ERI1: variants seen among roughly 807,000 people sequenced by gnomAD.
The protein encoded by ERI1 is exoribonuclease 1.
Under a neutral mutation model 39.7 loss-of-function variants are expected in ERI1, and 39 were observed. The observed-to-expected ratio is 0.98, with a 90% CI of 0.76 to 1.28. The LOEUF (loss-of-function observed/expected upper bound fraction) is 1.28. Among genes scored for constraint, ERI1 ranks in the 50% most tolerant of loss-of-function variants. The probability of loss-of-function intolerance (pLI) is 0.00; values close to 1 mark genes in which losing one functional copy is unlikely to be tolerated. For missense variants in ERI1, 581 were observed against 416.9 expected (o/e 1.39, Z -3.43); for synonymous variants, 204 against 149.6 (o/e 1.36, Z -2.65).
intron 6 of ERI1, among the ~76,000 whole-genome samples, chr8:9,025,657 C>CT (rs1407652334): frequency 2.0e-5 from 3 of 151,294 alleles, no homozygotes; most frequent in African/African-American, 4.9e-5. Context: ...GTTAATAACT[C>CT]TTTTTTGGGC....
In ERI1 at chr8:9,031,062, G is replaced by T. The variant is rs941563717; in HGVS notation, c.*1028G>T. 1.3e-5 allele frequency: 2 copies of T among 152,118 alleles called. No homozygotes were observed. The highest frequency in any genetic ancestry group is 4.8e-5 in the African/African-American group (2 of 41,428). 9.4% of individuals were successfully genotyped at this position (152,118 alleles called of 1,614,324 possible). The stretch of plus-strand genomic sequence containing the variant: ...AAAATGTGCATTTCGACTTGATAAG[G>T]TAAAACTCTTATCTAGAGGCTAAAC... On this transcript the variant is annotated 3_prime_UTR_variant, in exon 7 of 7. Coordinates refer to ENST00000250263, the MANE Select transcript of ERI1 (RefSeq NM_153332.4).
chr8:9,036,343 A>G (rs1427806648), downstream of ERI1, among the ~76,000 whole-genome samples: 1 of 152,146 alleles, frequency 6.6e-6, no homozygotes, highest in Non-Finnish European at 1.5e-5. Flanking sequence ...TGCCACAGCC[A>G]CTCCAATCTT....
chr8:9,014,360 C>G (rs1039206694), intron 3 of ERI1, among the ~76,000 whole-genome samples: 5 of 152,124 alleles, frequency 3.3e-5, no homozygotes. Context: ...TAAATAAAGC[C>G]TACTTGATTA....
rs116169442 is a variant in ERI1, at chr8:9,016,135, A to G, written c.499-187A>G. Reference sequence around the variant, plus strand: ...TATCGTAAAATATTTTAAATTATGAATCAATTCATTTTTTAATTTAAAAAT... The same window carrying G: ...TATCGTAAAATATTTTAAATTATGAGTCAATTCATTTTTTAATTTAAAAAT... On this transcript the variant is annotated intron_variant, in intron 3 of 6. Transcript: ENST00000250263. 5.5e-3 allele frequency among the ~76,000 whole-genome samples: 836 copies of G among 152,296 alleles called. 8 individuals carry two copies. Among genetic ancestry groups the G allele is most frequent in the African/African-American group, 0.019 (785 of 41,554 alleles).
chr8:9,079,355 C>T (rs541051159), intron 3 of ERI1, among the ~76,000 whole-genome samples: 1 of 152,302 alleles, frequency 6.6e-6, no homozygotes, highest in South Asian at 2.1e-4. Flanking sequence ...AACATGAGTT[C>T]AGCTATAGAC....
chr8:9,017,687 G>C (rs975340338), intron 4 of ERI1, among the ~76,000 whole-genome samples: 1 of 152,188 alleles, frequency 6.6e-6, no homozygotes, highest in African/African-American at 2.4e-5. Flanking sequence ...GGGCATTTCA[G>C]GTGGGAACTG....
At chr8:9,018,525 A>G (rs1817541853) in intron 5 of ERI1, 119 bp downstream of exon 5, 1 of 591,222 alleles carries the variant, frequency 1.7e-6, no homozygotes, top group South Asian at 2.5e-5. Context: ...GTCTCACCCC[A>G]CAGGGAATAG....
chr8:9,079,991 CAAA>C (rs35227058), intron 3 of ERI1, among the ~76,000 whole-genome samples: 55 of 114,788 alleles, frequency 4.8e-4, no homozygotes, highest in Non-Finnish European at 6.2e-4. Context: ...TTTTTAAAGA[CAAA>C]AAAAAAAAAA....
intron 3 of ERI1, among the ~76,000 whole-genome samples, chr8:9,067,080 CCTA>C (rs1424624653): frequency 6.6e-6 from 1 of 152,142 alleles, no homozygotes; most frequent in Non-Finnish European, 1.5e-5. Flanking sequence ...CATTGCCCTA[CCTA>C]TTTCTAAAAA....
At chr8:9,023,728 A>G (rs776145036) in intron 6 of ERI1, among the ~76,000 whole-genome samples, 3 of 150,328 alleles carry the variant, frequency 2.0e-5, no homozygotes, top group Non-Finnish European at 3.0e-5. Context: ...TTTCTGCTGT[A>G]TATAATGCTA....
chr8:9,075,338 G>A (rs1004632373), intron 3 of ERI1, among the ~76,000 whole-genome samples: 1 of 152,048 alleles, frequency 6.6e-6, no homozygotes, highest in African/African-American at 2.4e-5. Context: ...AGGAAATGAG[G>A]GAGACATGTA....
chr8:9,065,968 G>A (rs763876425), intron 3 of ERI1, among the ~76,000 whole-genome samples: 12 of 152,106 alleles, frequency 7.9e-5, no homozygotes, highest in Non-Finnish European at 1.5e-4. Context: ...TATGAGAAGG[G>A]AAGTGGAGGG....
chr8:9,054,132 A>G (rs1798438235), intron 3 of ERI1, among the ~76,000 whole-genome samples: 1 of 152,190 alleles, frequency 6.6e-6, no homozygotes, highest in South Asian at 2.1e-4. Context: ...TTACCATGGA[A>G]AAGCAACATC....
intron 3 of ERI1, among the ~76,000 whole-genome samples, chr8:9,083,458 T>C (rs1295399703): frequency 6.6e-6 from 1 of 152,170 alleles, no homozygotes; most frequent in African/African-American, 2.4e-5. Context: ...CTTTTATCTC[T>C]TTATTAAGGA....
intron 3 of ERI1, among the ~76,000 whole-genome samples, chr8:9,076,264 G>A (rs1350593396): frequency 6.6e-6 from 1 of 152,070 alleles, no homozygotes; most frequent in East Asian, 1.9e-4. Context: ...AAATCTGAAG[G>A]AAAAAATACA....
intron 5 of ERI1, among the ~76,000 whole-genome samples, chr8:9,018,683 A>G (rs1367491232): frequency 6.6e-6 from 1 of 152,196 alleles, no homozygotes; most frequent in Non-Finnish European, 1.5e-5. Context: ...TTCCTTACTC[A>G]AAAAAGTTCA....
intron 3 of ERI1, among the ~76,000 whole-genome samples, chr8:9,079,018 T>C (rs1199064904): frequency 6.6e-6 from 1 of 152,124 alleles, no homozygotes; most frequent in Non-Finnish European, 1.5e-5. Flanking sequence ...TTGTCTTACC[T>C]GGAAGGCAGG....
intron 3 of ERI1, among the ~76,000 whole-genome samples, chr8:9,054,256 G>A (rs1798442367): frequency 6.6e-6 from 1 of 152,188 alleles, no homozygotes; most frequent in Non-Finnish European, 1.5e-5. Flanking sequence ...AAACAGTTGT[G>A]AGGGCAAAAT....
At position 9,058,527 on chromosome 8, in the gene ERI1, T is replaced by G. The variant is rs541052767; in HGVS notation, n.299+38063T>G. On this transcript the variant is annotated intron_variant and non_coding_transcript_variant, in intron 3 of 3. Transcript: ENST00000518663. ...TGACATTGTGGCATTTGGTCCATTC[T>G]TTGATGATCTTCATGTATTCCTGTT... Among the ~76,000 whole-genome samples the G allele has an allele frequency of 2.0e-5, 3 of 152,362 alleles. No individual in the cohort carries two copies. In the East Asian group the frequency reaches 5.8e-4, roughly 29 times the overall value.
Sources: allele counts gnomAD v4.1 joint callset (sites outside exome capture counted in the v4.1 genomes callset), GRCh38; gene constraint gnomAD v4.1.1; transcripts MANE v1.5; gene names NCBI Gene and HGNC (gene_info 2026-07-23, HGNC 2026-07-21).